ENPEP: variants seen among roughly 807,000 people sequenced by gnomAD.
The protein encoded by ENPEP is AP-A.
A neutral mutation model predicts 114.5 loss-of-function variants in ENPEP; 103 were observed. The ratio of observed to expected loss-of-function variants is 0.90; its 90% CI spans 0.77 to 1.06. The LOEUF (loss-of-function observed/expected upper bound fraction) is 1.06. Ranked by LOEUF, ENPEP falls within the 50% of genes least tolerant of loss-of-function variation. The probability of loss-of-function intolerance (pLI) is 0.00; values close to 1 mark genes in which losing one functional copy is unlikely to be tolerated. For synonymous variants in ENPEP, 420 were observed against 422.0 expected, an observed-to-expected ratio of 1.00 and a Z score of 0.06; for missense variants, 1,196 against 1,161.3, an observed-to-expected ratio of 1.03 and a Z score of -0.43.
intron 2 of ENPEP, among the ~76,000 whole-genome samples, chr4:110,489,868 A>T (rs544888852): frequency 2.0e-5 from 3 of 152,236 alleles, no homozygotes; most frequent in African/African-American, 4.8e-5. Context: ...ATTAAAATTC[A>T]TCTTTTTAAA....
At chr4:110,518,449 G>A (rs1003626012) in intron 8 of ENPEP, among the ~76,000 whole-genome samples, 2 of 152,168 alleles carry the variant, frequency 1.3e-5, no homozygotes, top group Non-Finnish European at 2.9e-5. Context: ...AGGTCATCGT[G>A]TAATTTTGAC....
intron 1 of ENPEP, among the ~76,000 whole-genome samples, chr4:110,480,959 G>A (rs1389583350): frequency 2.6e-5 from 4 of 152,174 alleles, no homozygotes; most frequent in Non-Finnish European, 5.9e-5. Flanking sequence ...TTTTCTCACC[G>A]TGTTACGTAG....
At chr4:110,492,270 C>A (rs1724753352) in intron 3 of ENPEP, among the ~76,000 whole-genome samples, 2 of 152,152 alleles carry the variant, frequency 1.3e-5, no homozygotes, top group Non-Finnish European at 2.9e-5. Flanking sequence ...GCTATTTATT[C>A]AAGATTACCC....
chr4:110,555,820 T>C (rs1329585572), intron 18 of ENPEP, among the ~76,000 whole-genome samples: 3 of 152,036 alleles, frequency 2.0e-5, no homozygotes, highest in Non-Finnish European at 4.4e-5. Context: ...GAAGACAATA[T>C]TTGTAAATTT....
rs374549611 is a variant in ENPEP at position 110,491,077 on chromosome 4, G to A, written c.831G>A (p.Glu277=). The change falls in exon 3 of 20, where the codon GAG becomes GAA. Residue 277 remains glutamate (E), a synonymous_variant. Coordinates refer to ENST00000265162, the MANE Select transcript of ENPEP (RefSeq NM_001977.4). ...VDDKWTRTTF[E]KSVPMSTYLV... is the part of the protein sequence containing the mutation. The stretch of plus-strand genomic sequence containing the variant: ...ATAAATGGACTCGAACAACTTTTGA[G>A]AAGTCTGTCCCCATGAGCACGTACC... 1.7e-5 allele frequency: 27 copies of A among 1,612,456 alleles called. No individual in the cohort carries two copies. The African/African-American group carries it at 2.4e-4, about 14-fold the overall frequency.
chr4:110,525,097 A>T (rs1203496785), intron 10 of ENPEP, among the ~76,000 whole-genome samples: 1 of 152,256 alleles, frequency 6.6e-6, no homozygotes, highest in Non-Finnish European at 1.5e-5. Flanking sequence ...CTGATAAAGC[A>T]TGCAAAGCAC....
intron 8 of ENPEP, among the ~76,000 whole-genome samples, chr4:110,517,388 T>C (rs1020158627): frequency 1.3e-5 from 2 of 152,198 alleles, no homozygotes; most frequent in Non-Finnish European, 2.9e-5. Flanking sequence ...ATACAGGACA[T>C]AGAAATAAAG....
rs1289657658 is a variant in ENPEP at position 110,488,670 on chromosome 4, T to C, written c.774T>C (p.Asn258=). Residue 258 remains asparagine (N), a synonymous_variant, in exon 2 of 20, where the codon AAT becomes AAC. Coordinates refer to ENST00000265162, the MANE Select transcript of ENPEP (RefSeq NM_001977.4). The stretch of plus-strand genomic sequence containing the variant: ...CCAAAGAATACGGAGCACTTTCAAA[T>C]ATGCCAGTGGCGGTAAGTATTTTTT... The part of the protein sequence containing the change: ...THPKEYGALS[N]MPVAKEESVD... 1.2e-6 allele frequency: 2 copies of C among 1,611,602 alleles called. No individual in the cohort carries two copies. The highest frequency in any genetic ancestry group is 1.7e-6 in the Non-Finnish European group (2 of 1,179,368).
At chr4:110,516,539 C>T (rs1456423024) in intron 8 of ENPEP, among the ~76,000 whole-genome samples, 1 of 152,200 alleles carries the variant, frequency 6.6e-6, no homozygotes, top group East Asian at 1.9e-4. Flanking sequence ...GAGCAGAAAA[C>T]AGGTTGGAGA....
chr4:110,488,891 T>C (rs972748839), intron 2 of ENPEP, among the ~76,000 whole-genome samples: 33 of 152,190 alleles, frequency 2.2e-4, no homozygotes, highest in Non-Finnish European at 2.9e-5. Flanking sequence ...GAAAGCCAGA[T>C]TGGTGTTTCT....
chr4:110,544,411 C>T (rs1027997391), intron 13 of ENPEP, among the ~76,000 whole-genome samples: 3 of 152,046 alleles, frequency 2.0e-5, no homozygotes, highest in African/African-American at 4.8e-5. Flanking sequence ...AATCTACACT[C>T]GTTTTGTAGC....
chr4:110,539,897 A>G (rs1364762848), intron 11 of ENPEP, among the ~76,000 whole-genome samples: 1 of 152,142 alleles, frequency 6.6e-6, no homozygotes, highest in East Asian at 1.9e-4. Flanking sequence ...AATAGATAGT[A>G]ACATTAAAGA....
At chr4:110,544,201 T>C (rs1726962807) in intron 13 of ENPEP, among the ~76,000 whole-genome samples, 1 of 152,066 alleles carries the variant, frequency 6.6e-6, no homozygotes, top group Non-Finnish European at 1.5e-5. Flanking sequence ...TCTCTTAACT[T>C]CTCTCTGGCT....
At position 110,483,503 on chromosome 4, in the gene ENPEP, C is replaced by T. The variant is rs1384458972; in HGVS notation, c.645-5038C>T. Among the ~76,000 whole-genome samples the T allele has an allele frequency of 2.6e-5, 4 of 152,088 alleles. No individual in the cohort carries two copies. In the East Asian group the frequency reaches 5.8e-4, roughly 22 times the overall value. On this transcript the variant is annotated intron_variant, in intron 1 of 19. Transcript: ENST00000265162. ...TAGAGTCAATTCAGAGTGATCCAAG[C>T]CATAACTTGTGCCATCGCCCCTTCT...
intron 1 of ENPEP, among the ~76,000 whole-genome samples, chr4:110,481,637 C>T (rs1724315214): frequency 6.6e-6 from 1 of 152,176 alleles, no homozygotes; most frequent in African/African-American, 2.4e-5. Flanking sequence ...CTAACTTCCA[C>T]CAATAACATC....
intron 3 of ENPEP, among the ~76,000 whole-genome samples, chr4:110,499,740 T>C (rs1432312960): frequency 6.6e-6 from 1 of 152,246 alleles, no homozygotes; most frequent in African/African-American, 2.4e-5. Context: ...ATTGCCAAAT[T>C]AGTTTGCTTA....
chr4:110,553,040 A>G (rs1727346282), intron 17 of ENPEP, among the ~76,000 whole-genome samples: 1 of 152,132 alleles, frequency 6.6e-6, no homozygotes, highest in Admixed American at 6.6e-5. Context: ...AATGTGTTTT[A>G]AAATTGTTTT....
At position 110,506,649 on chromosome 4, in the gene ENPEP, G is replaced by A. The variant is rs1044377626; in HGVS notation, c.931G>A (p.Val311Ile). ...SNSGKPLTIY[V>I]QPEQKHTAEY... ...TTTTGTTTAATAGCTTACAATTTAT[G>A]TCCAGCCAGAGCAAAAGCACACAGC... Residue 311 changes from valine to isoleucine, a missense_variant, in exon 4 of 20, where the codon GTC becomes ATC. Val to Ile is a conservative substitution (Grantham distance 29). Coordinates refer to ENST00000265162, the MANE Select transcript of ENPEP (RefSeq NM_001977.4). The A allele has an allele frequency of 1.3e-5, 21 of 1,603,108 alleles. No homozygotes were observed. The East Asian group carries it at 4.7e-4, about 36-fold the overall frequency.
Position 110,488,672 on chromosome 4 carries a change from T to C in ENPEP, c.776T>C (p.Met259Thr). ...HPKEYGALSN[M>T]PVAKEESVDD... ...AAAGAATACGGAGCACTTTCAAATA[T>C]GCCAGTGGCGGTAAGTATTTTTTAA... Residue 259 changes from methionine to threonine, a missense_variant, in exon 2 of 20, where the codon ATG becomes ACG. Physicochemically the swap from Met to Thr is moderately conservative, Grantham distance 81 (BLOSUM62 -1). Transcript: ENST00000265162. 1 of 1,610,306 alleles carries C rather than the reference T, an allele frequency of 6.2e-7. No homozygotes were observed. Among genetic ancestry groups the C allele is most frequent in the East Asian group, 2.2e-5 (1 of 44,842 alleles).
Sources: allele counts gnomAD v4.1 joint callset (sites outside exome capture counted in the v4.1 genomes callset), GRCh38; gene constraint gnomAD v4.1.1; transcripts MANE v1.5; gene names NCBI Gene and HGNC (gene_info 2026-07-23, HGNC 2026-07-21).